The following DPYSL4 variants were observed in gnomAD, a reference collection of about 807,000 sequenced individuals.
The protein encoded by DPYSL4 is dihydropyrimidinase like 4.
In DPYSL4, 43 loss-of-function variants were observed where a neutral mutation model predicts 63.4. The observed-to-expected ratio is 0.68, with a 90% confidence interval of 0.53 to 0.88. The LOEUF is 0.88. DPYSL4 is among the 40% of genes least tolerant of loss of function. The pLI is 0.00. For missense variants in DPYSL4, 733 were observed against 819.5 expected (o/e 0.89, Z 1.29); for synonymous variants, 353 against 331.7 (o/e 1.06, Z -0.70).
Position 132,195,045 on chromosome 10 carries a change from G to A in DPYSL4, c.478+36G>A, listed in dbSNP as rs780538095. Reference sequence around the variant, plus strand: ...CTGGAGGGGCTGGAGGGCGGGCATGGAGCCTGGTGGAGGAGCCTCTGCCCT... The same window carrying A: ...CTGGAGGGGCTGGAGGGCGGGCATGAAGCCTGGTGGAGGAGCCTCTGCCCT... On this transcript the variant is annotated intron_variant, in intron 4 of 13. Transcript: ENST00000338492. 2.5e-6 allele frequency: 4 copies of A among 1,582,428 alleles called. No homozygotes were observed. The Admixed American group carries it at 6.8e-5, about 27-fold the overall frequency.
chr10:132,200,711 C>T, intron 9 of DPYSL4, 131 bp from the exon 10 acceptor site: 2 of 1,375,562 alleles, frequency 1.5e-6, no homozygotes, highest in Admixed American at 2.5e-5. Flanking sequence ...ACAGAGGCAC[C>T]AGCTCTGCCC....
intron 3 of DPYSL4, among the ~76,000 whole-genome samples, chr10:132,194,497 C>T (rs769544500): frequency 3.9e-5 from 6 of 152,330 alleles, no homozygotes; most frequent in South Asian, 2.1e-4. Flanking sequence ...GGGTGCCTCA[C>T]CCAGCCTGAC....
At chr10:132,199,841 C>T (rs1196067221) in intron 8 of DPYSL4, among the ~76,000 whole-genome samples, 1 of 151,858 alleles carries the variant, frequency 6.6e-6, no homozygotes, top group Non-Finnish European at 1.5e-5. Flanking sequence ...TCACTCAGGA[C>T]ACCAAGCAGC....
At chr10:132,192,412 G>A in intron 2 of DPYSL4, 2 of 1,154,014 alleles carry the variant, frequency 1.7e-6, no homozygotes, top group Non-Finnish European at 2.1e-6. Context: ...AGGGACCTGA[G>A]TGGAAAACCA....
In DPYSL4 at chr10:132,187,030, T is replaced by A. The variant is rs1314565581; in HGVS notation, c.-34T>A. The stretch of plus-strand genomic sequence containing the variant: ...GCCCGCCCGCCCGCCCGCCCCCGCT[T>A]GTGCCGCCCCTACCAGAGACCCCCA... On this transcript the variant is annotated 5_prime_UTR_variant, in exon 1 of 14. Transcript: ENST00000338492. 1 of 187,118 alleles carries A rather than the reference T, an allele frequency of 5.3e-6. No individual in the cohort carries two copies. The highest frequency in any genetic ancestry group is 7.8e-6 in the Non-Finnish European group (1 of 128,280). The allele number at this position is 187,118 out of a possible 1,614,324, so 11.6% of individuals were successfully genotyped here.
chr10:132,196,433 G>A (rs774975815), intron 4 of DPYSL4, among the ~76,000 whole-genome samples: 1 of 152,252 alleles, frequency 6.6e-6, no homozygotes, highest in African/African-American at 2.4e-5. Context: ...GCAGGCAGGT[G>A]CTGGATGTGC....
At chr10:132,192,973 G>C in intron 3 of DPYSL4, 131 bp downstream of exon 3, 1 of 934,596 alleles carries the variant, frequency 1.1e-6, no homozygotes, top group Non-Finnish European at 1.5e-6. Context: ...TATTGCATCT[G>C]TCTGAGAACC....
intron 3 of DPYSL4, among the ~76,000 whole-genome samples, chr10:132,194,125 C>T (rs2061911133): frequency 6.6e-6 from 1 of 152,262 alleles, no homozygotes; most frequent in Non-Finnish European, 1.5e-5. Flanking sequence ...GCCTGCAGGC[C>T]CAGGCTGGCA....
At chr10:132,193,421 AC>A (rs2061902424) in intron 3 of DPYSL4, among the ~76,000 whole-genome samples, 1 of 152,118 alleles carries the variant, frequency 6.6e-6, no homozygotes, top group East Asian at 1.9e-4. Context: ...TCCTCCTAAA[AC>A]CCTCTGAGCT....
In DPYSL4 at chr10:132,205,103, C is replaced by T. The variant is rs2062079200; in HGVS notation, c.*173C>T. 8.3e-6 allele frequency: 4 copies of T among 479,544 alleles called. No individual in the cohort carries two copies. The highest frequency in any genetic ancestry group is 1.5e-5 in the Non-Finnish European group (4 of 274,382). The allele number at this position is 479,544 out of a possible 1,614,324, so 29.7% of individuals were successfully genotyped here. The stretch of plus-strand genomic sequence containing the variant: ...CCTTGTGGGGTCCCAGGTCCTGCTG[C>T]CAAGAGCCCCTCAAGAGAAGGGCTG... On this transcript the variant is annotated 3_prime_UTR_variant, in exon 14 of 14. Transcript: ENST00000338492.
chr10:132,201,606 G>T (rs1201947175), intron 10 of DPYSL4, among the ~76,000 whole-genome samples: 2 of 152,242 alleles, frequency 1.3e-5, no homozygotes, highest in South Asian at 4.1e-4. Context: ...TTACCCCAGG[G>T]GTTACTCAGG....
chr10:132,201,021 G>A, intron 10 of DPYSL4, 38 bp downstream of exon 10: 1 of 1,603,212 alleles, frequency 6.2e-7, no homozygotes, highest in Non-Finnish European at 8.5e-7. Flanking sequence ...CGTCTGGGGA[G>A]CGGCTGTGGG....
chr10:132,196,830 G>A (rs2061951557), intron 4 of DPYSL4, 31 bp from the exon 5 acceptor site: 1 of 1,612,538 alleles, frequency 6.2e-7, no homozygotes, highest in East Asian at 2.2e-5. Context: ...ACTGGTGATG[G>A]CTGAGCCTCT....
Position 132,194,969 on chromosome 10 carries a change from G to C in DPYSL4, c.438G>C (p.Glu146Asp). 6.2e-7 allele frequency: 1 copy of C among 1,609,694 alleles called. No individual in the cohort carries two copies. Among genetic ancestry groups the C allele is most frequent in the South Asian group, 1.1e-5 (1 of 91,072 alleles). The change falls in exon 4 of 14, where the codon GAG (glutamate) becomes GAC (aspartate). Residue 146 changes from glutamate (E) to aspartate (D), a missense_variant. Physicochemically the swap from Glu to Asp is conservative, Grantham distance 45. Transcript: ENST00000338492. The part of the protein sequence containing the change: ...SLHVDITRWH[E>D]SIKEELEALV... ...ACGTGGACATCACCCGATGGCATGA[G>C]AGCATCAAGGAGGAGCTGGAGGCCC...
In DPYSL4 at chr10:132,201,948, C is replaced by T. The variant is rs1223531363; in HGVS notation, c.1113C>T (p.Ala371=). The change falls in exon 11 of 14, where the codon GCC becomes GCT. Residue 371 remains alanine (A), a splice_region_variant and synonymous_variant. Coordinates refer to ENST00000338492, the MANE Select transcript of DPYSL4 (RefSeq NM_006426.3). ...AGCTCAGCCTTCTTGTTCCCCAGGC[C>T]TCTGGGAAGATGGACGAGAATGAGT... is the stretch of plus-strand genomic sequence containing the variant. ...RMSMVWEKCV[A]SGKMDENEFV... The T allele has an allele frequency of 1.2e-6, 2 of 1,611,954 alleles. No individual in the cohort carries two copies. Among genetic ancestry groups the T allele is most frequent in the Non-Finnish European group, 8.5e-7 (1 of 1,179,136 alleles).
intron 1 of DPYSL4, among the ~76,000 whole-genome samples, chr10:132,189,372 T>G (rs147572363): frequency 3.3e-5 from 5 of 152,372 alleles, no homozygotes; most frequent in African/African-American, 9.6e-5. Flanking sequence ...CTGACGGTCA[T>G]GCAGAGTCCC....
At position 132,202,811 on chromosome 10, in the gene DPYSL4, A is replaced by C. The variant is rs1464269066; in HGVS notation, c.1447A>C (p.Lys483Gln). ...CCCGGACTTTGTCTACAAGAGGATC[A>C]AAGCTCGCAACAGGGTAGGGCGGCA... ...TFPDFVYKRI[K>Q]ARNRLAEIHG... Residue 483 changes from lysine to glutamine, a missense_variant, in exon 12 of 14, where the codon AAA (lysine) becomes CAA (glutamine). Lys to Gln is a moderately conservative substitution (Grantham distance 53, BLOSUM62 1). Transcript: ENST00000338492. 1 of 1,600,662 alleles carries C rather than the reference A, an allele frequency of 6.2e-7. No homozygotes were observed. The highest frequency in any genetic ancestry group is 8.5e-7 in the Non-Finnish European group (1 of 1,173,104).
intron 2 of DPYSL4, 86 bp downstream of exon 2, chr10:132,190,921 C>T (rs2061865884): frequency 2.2e-6 from 3 of 1,384,624 alleles, no homozygotes; most frequent in Admixed American, 3.7e-5. Context: ...AAAGTATGTT[C>T]CCAGCTCGTG....
At chr10:132,202,562 G>T in intron 11 of DPYSL4, 84 bp from the exon 12 acceptor site, 1 of 1,548,850 alleles carries the variant, frequency 6.5e-7, no homozygotes, top group South Asian at 1.2e-5. Flanking sequence ...ACGCTGGGCG[G>T]CCACAGTGCT....
Sources: gnomAD v4.1 joint callset for allele counts (sites outside exome capture counted in the v4.1 genomes callset) on GRCh38, gnomAD v4.1.1 for gene constraint, MANE v1.5 for transcripts, NCBI Gene and HGNC (gene_info 2026-07-23, HGNC 2026-07-21) for gene names.